The following HPSE2 variants were observed in gnomAD, a reference collection of about 807,000 sequenced individuals.
The protein encoded by HPSE2 is heparanase 2 (inactive), also known as inactive heparanase-2.
HPSE2 carries 38 observed loss-of-function variants against 60.5 expected under a neutral mutation model. That is an observed-to-expected ratio of 0.63 (90% CI 0.48 to 0.82). The LOEUF (loss-of-function observed/expected upper bound fraction) is 0.82, where lower values mean the gene tolerates loss of function less well. Ranked by LOEUF, HPSE2 falls within the 40% of genes least tolerant of loss-of-function variation. The probability of loss-of-function intolerance (pLI) is 0.00; values close to 1 mark genes in which losing one functional copy is unlikely to be tolerated. For synonymous variants in HPSE2, 295 were observed against 293.2 expected, an observed-to-expected ratio of 1.01 and a Z score of -0.06; for missense variants, 713 against 740.4, an observed-to-expected ratio of 0.96 and a Z score of 0.43.
chr10:99,273,373 T>C, the HPSE2 span, among the ~76,000 whole-genome samples: 1 of 152,196 alleles, frequency 6.6e-6, no homozygotes, highest in African/African-American at 2.4e-5. Flanking sequence ...AAAGAACTTA[T>C]TCACATAACC....
chr10:98,533,172 A>T (rs1943182117), intron 9 of HPSE2, among the ~76,000 whole-genome samples: 1 of 152,238 alleles, frequency 6.6e-6, no homozygotes, highest in African/African-American at 2.4e-5. Flanking sequence ...ACAAAGCTGG[A>T]TGCATTCAAG....
chr10:99,263,869 C>A, the HPSE2 span, among the ~76,000 whole-genome samples: 1 of 152,266 alleles, frequency 6.6e-6, no homozygotes, highest in East Asian at 1.9e-4. Flanking sequence ...AAATCCATCC[C>A]CAGTCCACCA....
chr10:98,519,262 A>G (rs542181774), intron 9 of HPSE2, among the ~76,000 whole-genome samples: 19 of 152,242 alleles, frequency 1.2e-4, no homozygotes, highest in Non-Finnish European at 2.6e-4. Flanking sequence ...TAACTAAGAT[A>G]AAGTCTCACA....
intron 2 of HPSE2, among the ~76,000 whole-genome samples, chr10:99,209,664 T>C (rs768745078): frequency 1.8e-4 from 28 of 151,998 alleles, no homozygotes; most frequent in Non-Finnish European, 3.8e-4. Context: ...AGAAAAACAA[T>C]AGAAAATATT....
intron 7 of HPSE2, among the ~76,000 whole-genome samples, chr10:98,632,365 A>T (rs1318521439): frequency 6.6e-6 from 1 of 152,118 alleles, no homozygotes; most frequent in Non-Finnish European, 1.5e-5. Context: ...CCTACTGTTT[A>T]CCCTCTCCCT....
intron 3 of HPSE2, among the ~76,000 whole-genome samples, chr10:98,760,396 C>CTTTTGGCTTTTTACTGTTGAATATGA (rs1949979094): frequency 6.6e-6 from 1 of 151,962 alleles, no homozygotes; most frequent in Non-Finnish European, 1.5e-5. Flanking sequence ...AGAAGAAAAG[C>CTTTTGGCTTTTTACTGTTGAATATGA]TTTTGGCTTT....
chr10:99,149,890 A>T (rs1365776680), intron 2 of HPSE2, among the ~76,000 whole-genome samples: 1 of 151,982 alleles, frequency 6.6e-6, no homozygotes, highest in African/African-American at 2.4e-5. Context: ...TGGTACACCA[A>T]ACTGGGGAGT....
At chr10:98,744,178 C>A (rs140442084) in intron 3 of HPSE2, 122 bp from the exon 4 acceptor site, 1 of 907,246 alleles carries the variant, frequency 1.1e-6, no homozygotes, top group East Asian at 2.6e-5. Context: ...CACAGACAGG[C>A]TTCTAAAAGG....
chr10:98,471,798 T>G (rs962240295), intron 11 of HPSE2, among the ~76,000 whole-genome samples: 1 of 152,208 alleles, frequency 6.6e-6, no homozygotes, highest in South Asian at 2.1e-4. Flanking sequence ...TCTTGAACAC[T>G]GAAAAGAACA....
chr10:98,751,610 T>A (rs192631149), intron 3 of HPSE2, among the ~76,000 whole-genome samples: 29 of 152,340 alleles, frequency 1.9e-4, no homozygotes, highest in African/African-American at 6.3e-4. Context: ...TGGGTGCCTA[T>A]AGAACAGTAT....
At chr10:98,918,742 A>G (rs1225222770) in intron 3 of HPSE2, among the ~76,000 whole-genome samples, 1 of 148,458 alleles carries the variant, frequency 6.7e-6, no homozygotes, top group Non-Finnish European at 1.5e-5. Context: ...TGACGAGTTA[A>G]TGGGTGCAGC....
At chr10:99,259,718 C>T in the HPSE2 span, among the ~76,000 whole-genome samples, 1 of 152,212 alleles carries the variant, frequency 6.6e-6, no homozygotes, top group Non-Finnish European at 1.5e-5. Flanking sequence ...AGACTGGTAT[C>T]AGTATGGGTC....
At chr10:99,040,597 C>A (rs562840849) in intron 3 of HPSE2, among the ~76,000 whole-genome samples, 1 of 152,152 alleles carries the variant, frequency 6.6e-6, no homozygotes, top group South Asian at 2.1e-4. Flanking sequence ...GCAATCAAAT[C>A]TGCCGCTCAT....
At chr10:98,621,947 T>A (rs1946085897) in intron 7 of HPSE2, among the ~76,000 whole-genome samples, 1 of 152,202 alleles carries the variant, frequency 6.6e-6, no homozygotes, top group African/African-American at 2.4e-5. Context: ...TATGCACTAA[T>A]GAGGCTGGAT....
At chr10:98,633,749 C>T (rs1279361103) in intron 7 of HPSE2, among the ~76,000 whole-genome samples, 1 of 152,126 alleles carries the variant, frequency 6.6e-6, no homozygotes, top group East Asian at 1.9e-4. Context: ...GTCAGCGCCT[C>T]TAACCCTCAT....
intron 9 of HPSE2, among the ~76,000 whole-genome samples, chr10:98,553,282 A>G (rs1943912217): frequency 6.6e-6 from 1 of 152,252 alleles, no homozygotes; most frequent in African/African-American, 2.4e-5. Context: ...TATATTGAGA[A>G]TAGAGAACAC....
intron 9 of HPSE2, among the ~76,000 whole-genome samples, chr10:98,592,300 T>C (rs905431926): frequency 2.6e-5 from 4 of 152,216 alleles, no homozygotes; most frequent in Admixed American, 1.3e-4. Flanking sequence ...GCCTTTCCTC[T>C]TGCATCCTCA....
chr10:99,090,529 T>G (rs879592188), intron 3 of HPSE2, among the ~76,000 whole-genome samples: 7 of 152,024 alleles, frequency 4.6e-5, no homozygotes, highest in African/African-American at 7.2e-5. Flanking sequence ...TAAGAATCAA[T>G]AAGTGCTAAA....
chr10:99,054,323 C>T (rs993476678), intron 3 of HPSE2, among the ~76,000 whole-genome samples: 2 of 152,102 alleles, frequency 1.3e-5, no homozygotes, highest in Non-Finnish European at 2.9e-5. Context: ...GAGTTCCTGG[C>T]CCTATCAGAA....
Sources: allele counts gnomAD v4.1 joint callset (sites outside exome capture counted in the v4.1 genomes callset), GRCh38; gene constraint gnomAD v4.1.1; transcripts MANE v1.5; gene names NCBI Gene and HGNC (gene_info 2026-07-23, HGNC 2026-07-21).